The following COX7B2 variants were observed in gnomAD, a reference collection of about 807,000 sequenced individuals.
The protein encoded by COX7B2 is cytochrome c oxidase subunit 7B2, mitochondrial.
For synonymous variants in COX7B2, 37 were observed against 32.1 expected, an observed-to-expected ratio of 1.15 and a Z score of -0.51; for missense variants, 109 against 95.9, an observed-to-expected ratio of 1.14 and a Z score of -0.57.
At chr4:46,837,782 TG>T (rs1560412329) in intron 2 of COX7B2, among the ~76,000 whole-genome samples, 2 of 152,188 alleles carry the variant, frequency 1.3e-5, no homozygotes, top group Non-Finnish European at 2.9e-5. Context: ...TTCTGCTTTG[TG>T]TGTTCCTATA....
chr4:46,881,267 A>C (rs62303662), intron 1 of COX7B2, among the ~76,000 whole-genome samples: 16,988 of 152,176 alleles, frequency 0.11, 1,620 homozygotes, highest in East Asian at 0.31. Flanking sequence ...CAATCAATAC[A>C]TGTAAGAAGT....
chr4:46,739,725 CG>C (rs150606237), intron 2 of COX7B2, among the ~76,000 whole-genome samples: 2 of 152,062 alleles, frequency 1.3e-5, no homozygotes, highest in East Asian at 3.9e-4. Flanking sequence ...AGAAGCAAAA[CG>C]TAAGCACACA....
chr4:46,887,004 A>G (rs1056212046), intron 1 of COX7B2, among the ~76,000 whole-genome samples: 1 of 152,366 alleles, frequency 6.6e-6, no homozygotes, highest in African/African-American at 2.4e-5. Context: ...AAAGTGAAAT[A>G]TAAAGGCCTT....
intron 2 of COX7B2, among the ~76,000 whole-genome samples, chr4:46,764,492 G>A (rs983080251): frequency 6.6e-6 from 1 of 151,998 alleles, no homozygotes; most frequent in African/African-American, 2.4e-5. Context: ...GCAGTGAGCC[G>A]AGATCAGGCC....
chr4:46,897,311 C>A (rs1170986116), intron 1 of COX7B2, among the ~76,000 whole-genome samples: 3 of 152,124 alleles, frequency 2.0e-5, no homozygotes, highest in Non-Finnish European at 2.9e-5. Context: ...GAAAATGAAT[C>A]GATATCTCTC....
At chr4:46,904,732 T>C (rs1182446316) in intron 1 of COX7B2, among the ~76,000 whole-genome samples, 1 of 152,148 alleles carries the variant, frequency 6.6e-6, no homozygotes, top group Non-Finnish European at 1.5e-5. Flanking sequence ...TTATGATACA[T>C]TCACATCACA....
rs547037418 is a variant in COX7B2, at chr4:46,864,274, T to C, written c.-104-19260A>G. The stretch of plus-strand genomic sequence containing the variant: ...ACACCTATCCAGGATTAAACCTGTT[T>C]CTTATGAGCCCCCCAGGTTTCAGAT... On this transcript the variant is annotated intron_variant, in intron 1 of 2. Coordinates refer to ENST00000355591, the MANE Select transcript of COX7B2 (RefSeq NM_130902.3). 3.3e-5 allele frequency among the ~76,000 whole-genome samples: 5 copies of C among 152,270 alleles called. No homozygotes were observed. In the South Asian group the frequency reaches 1.0e-3, roughly 32 times the overall value.
intron 2 of COX7B2, among the ~76,000 whole-genome samples, chr4:46,743,780 AT>A (rs201505282): frequency 0.011 from 1,691 of 152,290 alleles, 19 homozygotes; most frequent in Middle Eastern, 0.037. Flanking sequence ...CCCCTGAAGC[AT>A]TATCTCCAGA....
intron 1 of COX7B2, among the ~76,000 whole-genome samples, chr4:46,847,689 A>C (rs189399408): frequency 7.2e-5 from 11 of 152,174 alleles, no homozygotes; most frequent in Non-Finnish European, 1.6e-4. Flanking sequence ...GGAGCTAAGA[A>C]AGCGCCAATA....
At chr4:46,835,971 CAT>C (rs1715489531) in intron 2 of COX7B2, among the ~76,000 whole-genome samples, 1 of 152,050 alleles carries the variant, frequency 6.6e-6, no homozygotes, top group Non-Finnish European at 1.5e-5. Flanking sequence ...CATGTCCAAA[CAT>C]AGAAAAGGTA....
chr4:46,741,236 A>C (rs1714685311), intron 2 of COX7B2, among the ~76,000 whole-genome samples: 1 of 152,134 alleles, frequency 6.6e-6, no homozygotes. Flanking sequence ...AGGAAGATGA[A>C]GCTCAAGAAG....
chr4:46,737,194 G>T (rs1263672449), intron 2 of COX7B2, among the ~76,000 whole-genome samples: 2 of 152,086 alleles, frequency 1.3e-5, no homozygotes, highest in Non-Finnish European at 2.9e-5. Context: ...GACATATAAT[G>T]TCCAGCATCT....
chr4:46,837,455 C>G (rs567735819), intron 2 of COX7B2, among the ~76,000 whole-genome samples: 8 of 152,062 alleles, frequency 5.3e-5, no homozygotes, highest in African/African-American at 1.4e-4. Flanking sequence ...TATGAAACAT[C>G]TAGAATAGGC....
intron 2 of COX7B2, among the ~76,000 whole-genome samples, chr4:46,755,791 C>T (rs1005284186): frequency 1.3e-5 from 2 of 151,854 alleles, no homozygotes; most frequent in African/African-American, 2.4e-5. Flanking sequence ...AACTACAAAA[C>T]ATTGATGAAA....
At chr4:46,879,228 A>C (rs573680776) in intron 1 of COX7B2, among the ~76,000 whole-genome samples, 116 of 152,104 alleles carry the variant, frequency 7.6e-4, no homozygotes, top group African/African-American at 2.7e-3. Flanking sequence ...TCCTGGGCTC[A>C]AGTGATCTCC....
chr4:46,781,349 C>T (rs1032073753), intron 2 of COX7B2, among the ~76,000 whole-genome samples: 1 of 152,240 alleles, frequency 6.6e-6, no homozygotes, highest in Admixed American at 6.5e-5. Flanking sequence ...AAATTCCAGT[C>T]ATGGTTAACA....
At chr4:46,855,741 G>A (rs1258633495) in intron 1 of COX7B2, among the ~76,000 whole-genome samples, 1 of 152,048 alleles carries the variant, frequency 6.6e-6, no homozygotes, top group African/African-American at 2.4e-5. Flanking sequence ...ATTAACTCAA[G>A]TAGCATGTGG....
chr4:46,859,758 G>A (rs1454980355), intron 1 of COX7B2, among the ~76,000 whole-genome samples: 1 of 152,178 alleles, frequency 6.6e-6, no homozygotes, highest in Non-Finnish European at 1.5e-5. Flanking sequence ...TCCCACCAGT[G>A]CCATGATAGT....
intron 2 of COX7B2, among the ~76,000 whole-genome samples, chr4:46,796,864 T>G: frequency 2.5e-5 from 1 of 39,494 alleles, no homozygotes; most frequent in South Asian, 1.1e-3. Flanking sequence ...ACACCGCATA[T>G]TCTCACTCAT....
Sources: gnomAD v4.1 joint callset for allele counts (sites outside exome capture counted in the v4.1 genomes callset) on GRCh38, gnomAD v4.1.1 for gene constraint, MANE v1.5 for transcripts, NCBI Gene and HGNC (gene_info 2026-07-23, HGNC 2026-07-21) for gene names.